ZNF691: variants seen among roughly 807,000 people sequenced by gnomAD.
ZNF691 encodes zinc finger protein 691.
ZNF691 carries 11 observed loss-of-function variants against 24.1 expected under a neutral mutation model. The ratio of observed to expected loss-of-function variants is 0.46; its 90% CI spans 0.29 to 0.75. The LOEUF (loss-of-function observed/expected upper bound fraction) is 0.75. ZNF691 is among the 30% of genes least tolerant of loss of function. The pLI, the probability that ZNF691 is intolerant of heterozygous loss-of-function variation, is 0.11. For synonymous variants in ZNF691, 149 were observed against 153.9 expected (o/e 0.97, Z 0.23); for missense variants, 356 against 409.0 (o/e 0.87, Z 1.12).
At position 42,851,786 on chromosome 1, in the gene ZNF691, C is replaced by G. The variant is rs1361446046; in HGVS notation, c.921C>G (p.Gly307=). ...TCCGCCACCAGAAAACTCACTTGGG[C>G]GAACAGGCTGGGAAAGATTCCAGCT... ...NLIRHQKTHL[G]EQAGKDSS Residue 307 remains glycine (G), a synonymous_variant, in exon 4 of 4, where the codon GGC becomes GGG. Coordinates refer to ENST00000651192, the MANE Select transcript of ZNF691 (RefSeq NM_001242739.2). This position sits in a 1 kb window ranked among gnomAD's most constrained non-coding sequence, Gnocchi z 4.7. 78 of 1,613,948 alleles carry G rather than the reference C, an allele frequency of 4.8e-5. No individual in the cohort carries two copies. Among genetic ancestry groups the G allele is most frequent in the Non-Finnish European group, 6.5e-5 (77 of 1,179,950 alleles).
intron 3 of ZNF691, chr1:42,850,709 G>C: frequency 6.4e-7 from 1 of 1,550,628 alleles, no homozygotes; most frequent in Non-Finnish European, 8.7e-7. Context: ...TCATCTGGTG[G>C]TGGTGGACAA....
In ZNF691 at chr1:42,851,219, C is replaced by G; in HGVS notation, c.354C>G (p.Ala118=). 1 of 1,614,220 alleles carries G rather than the reference C, an allele frequency of 6.2e-7. No homozygotes were observed. The highest frequency in any genetic ancestry group is 8.5e-7 in the Non-Finnish European group (1 of 1,180,042). Residue 118 remains alanine (A), a synonymous_variant, in exon 4 of 4, where the codon GCC becomes GCG. Coordinates refer to ENST00000651192, the MANE Select transcript of ZNF691 (RefSeq NM_001242739.2). The surrounding 1 kb of genome is among the most constrained non-coding windows in gnomAD (Gnocchi z 4.7). ...HEADEKPFIC[A]QCGKTFNNTS... Reference sequence around the variant, plus strand: ...CAGATGAGAAGCCCTTTATATGTGCCCAGTGTGGCAAAACCTTCAATAATA... The same window carrying G: ...CAGATGAGAAGCCCTTTATATGTGCGCAGTGTGGCAAAACCTTCAATAATA...
chr1:42,851,787 G>A lies in ZNF691; in HGVS notation c.922G>A (p.Glu308Lys), dbSNP rs772307002. ...CCGCCACCAGAAAACTCACTTGGGC[G>A]AACAGGCTGGGAAAGATTCCAGCTG... ...LIRHQKTHLG[E>K]QAGKDSS The change falls in exon 4 of 4, where the codon GAA becomes AAA. Residue 308 changes from glutamate to lysine, a missense_variant. Physicochemically the swap from Glu to Lys is moderately conservative, Grantham distance 56 (BLOSUM62 1). Coordinates refer to ENST00000651192, the MANE Select transcript of ZNF691 (RefSeq NM_001242739.2). This position sits in a 1 kb window ranked among gnomAD's most constrained non-coding sequence, Gnocchi z 4.7. 2.3e-5 allele frequency: 37 copies of A among 1,613,990 alleles called. No homozygotes were observed. The highest frequency in any genetic ancestry group is 2.2e-4 in the East Asian group (10 of 44,896).
At position 42,851,982 on chromosome 1, in the gene ZNF691, A is replaced by T. The variant is rs377364064; in HGVS notation, c.*169A>T. ...GGATCTCAGGAAGTCCTGAGGAGGG[A>T]CTCTGGAATAAAAACCCTTGCCTCT... On this transcript the variant is annotated 3_prime_UTR_variant, in exon 4 of 4. Coordinates refer to ENST00000651192, the MANE Select transcript of ZNF691 (RefSeq NM_001242739.2). This position sits in a 1 kb window ranked among gnomAD's most constrained non-coding sequence, Gnocchi z 4.7. 9.3e-7 allele frequency: 1 copy of T among 1,070,034 alleles called. No individual in the cohort carries two copies. The highest frequency in any genetic ancestry group is 1.4e-6 in the Non-Finnish European group (1 of 708,750). The allele number at this position is 1,070,034 out of a possible 1,614,324, so 66.3% of individuals were successfully genotyped here.
rs145788428 is a variant in ZNF691 at position 42,850,981 on chromosome 1, G to A, written c.116G>A (p.Ser39Asn). 83 of 1,540,956 alleles carry A rather than the reference G, an allele frequency of 5.4e-5. No homozygotes were observed. In the African/African-American group the frequency reaches 9.5e-4, roughly 18 times the overall value. ...GAGATGGGCAGTGAGAAGGAGCAGAGTCCAGAACCACACCTGCCTGAGGAA... is the reference window on the plus strand; with the variant it reads ...GAGATGGGCAGTGAGAAGGAGCAGAATCCAGAACCACACCTGCCTGAGGAA... ...GSEMGSEKEQ[S>N]PEPHLPEEGE... Residue 39 changes from serine to asparagine, a missense_variant, in exon 4 of 4, where the codon AGT becomes AAT. Transcript: ENST00000651192.
intron 2 of ZNF691, 22 bp from the exon 3 acceptor site, chr1:42,849,543 A>T: frequency 1.2e-6 from 1 of 840,376 alleles, no homozygotes; most frequent in Non-Finnish European, 2.0e-6. Context: ...CCCTTTCTTT[A>T]TTCTGTGTTT....
chr1:42,849,726 T>C lies in ZNF691; in HGVS notation c.68T>C (p.Leu23Pro), dbSNP rs1443691566. ...SLFLQGPEEM[L>P]PLSSEGSEMG... is the part of the protein sequence containing the mutation. ...TTTCTTCAAGGCCCGGAGGAAATGC[T>C]ACCACTCTCATCAGAGGTACTTTTC... Residue 23 changes from leucine (L) to proline (P), a missense_variant, in exon 3 of 4, where the codon CTA becomes CCA. Transcript: ENST00000651192. 1.9e-6 allele frequency: 3 copies of C among 1,551,058 alleles called. No homozygotes were observed. Among genetic ancestry groups the C allele is most frequent in the African/African-American group, 1.4e-5 (1 of 73,048 alleles).
At chr1:42,850,826 T>G in intron 3 of ZNF691, 124 bp from the exon 4 acceptor site, 1 of 1,557,666 alleles carries the variant, frequency 6.4e-7, no homozygotes, top group South Asian at 1.2e-5. Context: ...TCCAGTTGAT[T>G]GAGGTTATTT....
Position 42,852,420 on chromosome 1 carries a change from C to T in ZNF691, c.*607C>T, listed in dbSNP as rs1442831373. The T allele has an allele frequency of 1.7e-5, 3 of 181,320 alleles. No individual in the cohort carries two copies. Among genetic ancestry groups the T allele is most frequent in the Non-Finnish European group, 2.6e-5 (2 of 76,048 alleles). 11.2% of individuals were successfully genotyped at this position (181,320 alleles called of 1,614,324 possible). A position where few individuals can be genotyped will look rare whatever the true frequency, so the allele number is the denominator to read the frequency against. On this transcript the variant is annotated 3_prime_UTR_variant, in exon 4 of 4. Transcript: ENST00000651192. ...CCCATGTTTGTTACTTGTTATCCCT[C>T]CCCCAACCTGCCTCTGTTTTCCCCA...
At chr1:42,850,627 C>T (rs1161623990) in intron 3 of ZNF691, 4 of 1,536,848 alleles carry the variant, frequency 2.6e-6, no homozygotes, top group East Asian at 2.5e-5. Flanking sequence ...TTTACTTGCC[C>T]ATGAATTATA....
At position 42,851,939 on chromosome 1, in the gene ZNF691, G is replaced by C; in HGVS notation, c.*126G>C. The C allele has an allele frequency of 7.1e-7, 1 of 1,416,860 alleles. No individual in the cohort carries two copies. Among genetic ancestry groups the C allele is most frequent in the South Asian group, 1.2e-5 (1 of 81,022 alleles). The allele number at this position is 1,416,860 out of a possible 1,614,324, so 87.8% of individuals were successfully genotyped here. On this transcript the variant is annotated 3_prime_UTR_variant, in exon 4 of 4. Coordinates refer to ENST00000651192, the MANE Select transcript of ZNF691 (RefSeq NM_001242739.2). This position sits in a 1 kb window ranked among gnomAD's most constrained non-coding sequence, Gnocchi z 4.7. Reference sequence around the variant, plus strand: ...TCATCCCACTTTGGAGAATGGTTTTGTATAGCCTCTGAAGTCAGGATCTCA... The same window carrying C: ...TCATCCCACTTTGGAGAATGGTTTTCTATAGCCTCTGAAGTCAGGATCTCA...
Position 42,849,406 on chromosome 1 carries a change from T to G in ZNF691, c.-102T>G. Reference sequence around the variant, plus strand: ...CATTTTTTTCTAATACAAAGTCTTGTAGTGTGGGTAGGTATCACAATTTTA... The same window carrying G: ...CATTTTTTTCTAATACAAAGTCTTGGAGTGTGGGTAGGTATCACAATTTTA... On this transcript the variant is annotated 5_prime_UTR_variant, in exon 2 of 4. Coordinates refer to ENST00000651192, the MANE Select transcript of ZNF691 (RefSeq NM_001242739.2). 1 of 623,404 alleles carries G rather than the reference T, an allele frequency of 1.6e-6. No individual in the cohort carries two copies. Among genetic ancestry groups the G allele is most frequent in the South Asian group, 1.5e-5 (1 of 66,008 alleles). The allele number at this position is 623,404 out of a possible 1,614,324, so 38.6% of individuals were successfully genotyped here. A position where few individuals can be genotyped will look rare whatever the true frequency, so the allele number is the denominator to read the frequency against.
In ZNF691 at chr1:42,851,643, T is replaced by G. The variant is rs1655397581; in HGVS notation, c.778T>G (p.Cys260Gly). 35 of 1,613,996 alleles carry G rather than the reference T, an allele frequency of 2.2e-5. No homozygotes were observed. The highest frequency in any genetic ancestry group is 2.7e-5 in the Non-Finnish European group (32 of 1,180,016). The change falls in exon 4 of 4, where the codon TGT (cysteine) becomes GGT (glycine). Residue 260 changes from cysteine (C) to glycine (G), a missense_variant. Transcript: ENST00000651192. This position sits in a 1 kb window ranked among gnomAD's most constrained non-coding sequence, Gnocchi z 4.7. Reference sequence around the variant, plus strand: ...TGAGAGACCTTATGAGTGCACTGAGTGTGGGCGGACCTTCAGCGATATCTC... The same window carrying G: ...TGAGAGACCTTATGAGTGCACTGAGGGTGGGCGGACCTTCAGCGATATCTC... Reference protein sequence around the residue: ...TGERPYECTECGRTFSDISNF... With the variant: ...TGERPYECTEGGRTFSDISNF...
intron 3 of ZNF691, 36 bp from the exon 4 acceptor site, chr1:42,850,914 A>ATT (rs1487654435): frequency 6.5e-7 from 1 of 1,538,386 alleles, no homozygotes; most frequent in South Asian, 1.3e-5. Context: ...CCCAACCCAA[A>ATT]GAATAAAGGT....
At position 42,851,040 on chromosome 1, in the gene ZNF691, T is replaced by C; in HGVS notation, c.175T>C (p.Ser59Pro). 1 of 1,584,658 alleles carries C rather than the reference T, an allele frequency of 6.3e-7. No individual in the cohort carries two copies. The highest frequency in any genetic ancestry group is 8.6e-7 in the Non-Finnish European group (1 of 1,166,340). The change falls in exon 4 of 4, where the codon TCA becomes CCA. Residue 59 changes from serine to proline, a missense_variant. Ser to Pro is a moderately conservative substitution (Grantham distance 74). Coordinates refer to ENST00000651192, the MANE Select transcript of ZNF691 (RefSeq NM_001242739.2). The surrounding 1 kb of genome is among the most constrained non-coding windows in gnomAD (Gnocchi z 4.7). ...GGGTAAGCCTTGGAGAGTGGATGAC[T>C]CAGAGGGTTCTTGGATCCCACCTGG... is the stretch of plus-strand genomic sequence containing the variant. Reference protein sequence around the residue: ...EGGKPWRVDDSEGSWIPPGEK... With the variant: ...EGGKPWRVDDPEGSWIPPGEK...
chr1:42,850,321 C>A, intron 3 of ZNF691: 1 of 744,836 alleles, frequency 1.3e-6, no homozygotes, highest in Non-Finnish European at 1.6e-6. Flanking sequence ...AGAAACACAG[C>A]CCAGGCCCCA....
chr1:42,847,864 T>C (rs1274712219), intron 1 of ZNF691, among the ~76,000 whole-genome samples: 1 of 152,250 alleles, frequency 6.6e-6, no homozygotes, highest in Non-Finnish European at 1.5e-5. Flanking sequence ...AAGGATGATG[T>C]GAAGTGAAAT....
rs144470918 is a variant in ZNF691 at position 42,851,004 on chromosome 1, G to A, written c.139G>A (p.Glu47Lys). Residue 47 changes from glutamate to lysine, a missense_variant, in exon 4 of 4, where the codon GAA becomes AAA. By Grantham distance (56) the Glu-to-Lys change is moderately conservative (BLOSUM62 1). Coordinates refer to ENST00000651192, the MANE Select transcript of ZNF691 (RefSeq NM_001242739.2). The surrounding 1 kb of genome is among the most constrained non-coding windows in gnomAD (Gnocchi z 4.7). Reference sequence around the variant, plus strand: ...GAGTCCAGAACCACACCTGCCTGAGGAAGGGGAAGGGGGTAAGCCTTGGAG... The same window carrying A: ...GAGTCCAGAACCACACCTGCCTGAGAAAGGGGAAGGGGGTAAGCCTTGGAG... Reference protein sequence around the residue: ...EQSPEPHLPEEGEGGKPWRVD... With the variant: ...EQSPEPHLPEKGEGGKPWRVD... The A allele has an allele frequency of 5.8e-6, 9 of 1,545,826 alleles. No homozygotes were observed. In the African/African-American group the frequency reaches 1.2e-4, roughly 21 times the overall value.
intron 3 of ZNF691, 51 bp downstream of exon 3, chr1:42,849,793 G>T (rs1655331225): frequency 2.1e-6 from 3 of 1,444,354 alleles, no homozygotes; most frequent in Non-Finnish European, 2.9e-6. Flanking sequence ...GAACCCAAAG[G>T]AGTCTGTGCA....
Sources: allele counts gnomAD v4.1 joint callset (sites outside exome capture counted in the v4.1 genomes callset), GRCh38; gene constraint gnomAD v4.1.1; non-coding constraint Gnocchi (gnomAD v3.1); transcripts MANE v1.5; gene names NCBI Gene and HGNC (gene_info 2026-07-23, HGNC 2026-07-21).